The following UNC80 variants were observed in gnomAD, a reference collection of about 807,000 sequenced individuals.
UNC80 encodes the protein unc-80 subunit of NALCN channel complex, also known as protein unc-80 homolog.
A neutral mutation model predicts 384.6 loss-of-function variants in UNC80; 164 were observed. That is an observed-to-expected ratio of 0.43 (90% confidence interval 0.38 to 0.49). The LOEUF (loss-of-function observed/expected upper bound fraction) is 0.49. Ranked by LOEUF, UNC80 falls within the 20% of genes least tolerant of loss-of-function variation. The pLI is 0.00. For synonymous variants in UNC80, 1,486 were observed against 1,527.8 expected (o/e 0.97, Z 0.64); for missense variants, 3,330 against 4,143.0 (o/e 0.80, Z 5.39).
chr2:209,978,335 A>T (rs181499565), intron 58 of UNC80, among the ~76,000 whole-genome samples, 194 bp from the exon 59 acceptor site: 4 of 152,232 alleles, frequency 2.6e-5, no homozygotes, highest in Non-Finnish European at 4.4e-5. Context: ...CTATTTAATT[A>T]TATCAGTGGC....
intron 12 of UNC80, 144 bp from the exon 13 acceptor site, chr2:209,820,167 G>T: frequency 7.9e-7 from 1 of 1,269,314 alleles, no homozygotes; most frequent in Non-Finnish European, 1.0e-6. Flanking sequence ...AACTTTTATA[G>T]GAAAATTTGA....
intron 7 of UNC80, among the ~76,000 whole-genome samples, chr2:209,804,628 T>G (rs904122458): frequency 6.6e-6 from 1 of 152,046 alleles, no homozygotes; most frequent in African/African-American, 2.4e-5. Flanking sequence ...TTCTATTTTG[T>G]GCTTCTGTTG....
chr2:209,994,302 G>A, intron 64 of UNC80, 38 bp downstream of exon 64: 1 of 1,504,968 alleles, frequency 6.6e-7, no homozygotes, highest in East Asian at 2.5e-5. Context: ...CTTGCTCCCT[G>A]TGTACTTACT....
At chr2:209,826,203 A>T (rs1042601007) in intron 14 of UNC80, 150 bp downstream of exon 14, 16 of 1,022,378 alleles carry the variant, frequency 1.6e-5, no homozygotes, top group African/African-American at 8.3e-5. Context: ...GGAGATTCTC[A>T]TGAGATATCT....
rs879309607 is a variant in UNC80 at position 209,842,501 on chromosome 2, A to G, written c.3454+55A>G. 101 of 1,274,154 alleles carry G rather than the reference A, an allele frequency of 7.9e-5. 1 individual carries two copies. The East Asian group carries it at 2.5e-3, about 32-fold the overall frequency. 78.9% of individuals were successfully genotyped at this position (1,274,154 alleles called of 1,614,324 possible). Reference sequence around the variant, plus strand: ...TCAACTTTTATCACACAGAACAAAAACTTGATTAGATTAAGTGGTCCATTT... The same window carrying G: ...TCAACTTTTATCACACAGAACAAAAGCTTGATTAGATTAAGTGGTCCATTT... On this transcript the variant is annotated intron_variant, in intron 21 of 64. Transcript: ENST00000673920.
At chr2:209,940,035 G>A (rs1158832562) in intron 43 of UNC80, among the ~76,000 whole-genome samples, 6 of 152,172 alleles carry the variant, frequency 3.9e-5, no homozygotes, top group Non-Finnish European at 8.8e-5. Context: ...TTTCTATTAA[G>A]TTCTCAGGTG....
At chr2:209,945,019 G>A (rs1260148951) in intron 45 of UNC80, 32 bp from the exon 46 acceptor site, 1 of 1,548,502 alleles carries the variant, frequency 6.5e-7, no homozygotes, top group Non-Finnish European at 8.7e-7. Context: ...TGTGGTGGGA[G>A]TCAATAAACA....
At chr2:209,833,856 A>C (rs777440153) in intron 16 of UNC80, 146 bp from the exon 17 acceptor site, 3 of 692,648 alleles carry the variant, frequency 4.3e-6, no homozygotes, top group Non-Finnish European at 7.0e-6. Context: ...GTATACCACC[A>C]GTTTCATCAA....
intron 46 of UNC80, 68 bp downstream of exon 46, chr2:209,945,257 T>C (rs2091857484): frequency 7.0e-7 from 1 of 1,422,492 alleles, no homozygotes; most frequent in Non-Finnish European, 9.4e-7. Flanking sequence ...ATATGTATTA[T>C]ACACACATAC....
chr2:209,885,713 C>G (rs1374962223), intron 25 of UNC80, among the ~76,000 whole-genome samples: 2 of 151,546 alleles, frequency 1.3e-5, no homozygotes, highest in Admixed American at 1.3e-4. Flanking sequence ...TGTTCTTAAG[C>G]CAAAAGGACA....
rs559251714 is a variant in UNC80 at position 209,997,713 on chromosome 2, A to G, written c.*2118A>G. 6.6e-6 allele frequency: 1 copy of G among 152,340 alleles called. No individual in the cohort carries two copies. Among genetic ancestry groups the G allele is most frequent in the Non-Finnish European group, 1.5e-5 (1 of 68,030 alleles). 9.4% of individuals were successfully genotyped at this position (152,340 alleles called of 1,614,324 possible). On this transcript the variant is annotated 3_prime_UTR_variant, in exon 65 of 65. Coordinates refer to ENST00000673920, the MANE Select transcript of UNC80 (RefSeq NM_001371986.1). ...AGCTAAGCAATGTTGTAACTTGCAA[A>G]AAAGCCTCCACTCTGAGAAACAGGG... is the stretch of plus-strand genomic sequence containing the variant.
At chr2:209,850,071 A>G (rs1197782667) in intron 22 of UNC80, among the ~76,000 whole-genome samples, 1 of 152,140 alleles carries the variant, frequency 6.6e-6, no homozygotes, top group Non-Finnish European at 1.5e-5. Context: ...TAGTCCTTTA[A>G]GCTCACCAAG....
In UNC80 at chr2:209,922,232, T is replaced by A; in HGVS notation, c.5531-20T>A. ...TTTTGTTATAAAGCCAAAGTTCACA[T>A]TCCCCATTTTGTTTGCCAGTAGAAG... is the stretch of plus-strand genomic sequence containing the variant. On this transcript the variant is annotated intron_variant, in intron 34 of 64. Coordinates refer to ENST00000673920, the MANE Select transcript of UNC80 (RefSeq NM_001371986.1). 1 of 1,551,614 alleles carries A rather than the reference T, an allele frequency of 6.4e-7. No individual in the cohort carries two copies. Among genetic ancestry groups the A allele is most frequent in the East Asian group, 2.4e-5 (1 of 40,908 alleles).
intron 39 of UNC80, 117 bp downstream of exon 39, chr2:209,934,122 A>G (rs2091081284): frequency 1.0e-6 from 1 of 992,684 alleles, no homozygotes; most frequent in East Asian, 2.7e-5. Flanking sequence ...AACCCCCAGT[A>G]TTGAGTGCTT....
In UNC80 at chr2:209,929,896, A is replaced by T; in HGVS notation, c.5832A>T (p.Leu1944Phe). 6.5e-7 allele frequency: 1 copy of T among 1,533,318 alleles called. No homozygotes were observed. The highest frequency in any genetic ancestry group is 8.8e-7 in the Non-Finnish European group (1 of 1,140,338). 95.0% of individuals were successfully genotyped at this position (1,533,318 alleles called of 1,614,324 possible). ...VAVSAVAQQV[L>F]WNCLIEDPST... The stretch of plus-strand genomic sequence containing the variant: ...TGAGTGCTGTGGCTCAACAAGTCTT[A>T]TGGAACTGTCTAATTGAAGATCCAT... Residue 1944 changes from leucine to phenylalanine, a missense_variant, in exon 37 of 65, where the codon TTA becomes TTT. By Grantham distance (22) the Leu-to-Phe change is conservative. Transcript: ENST00000673920.
Position 209,872,715 on chromosome 2 carries a change from T to C in UNC80, c.3628-43T>C. ...CTTTAAGACCAATTTAAAGTTATTGTTCATTAATCCCACATTATTCTTTCC... is the reference window on the plus strand; with the variant it reads ...CTTTAAGACCAATTTAAAGTTATTGCTCATTAATCCCACATTATTCTTTCC... On this transcript the variant is annotated intron_variant, in intron 22 of 64. Transcript: ENST00000673920. The surrounding 1 kb of genome is among the most constrained non-coding windows in gnomAD (Gnocchi z 4.1). 6.8e-7 allele frequency: 1 copy of C among 1,479,600 alleles called. No homozygotes were observed. The highest frequency in any genetic ancestry group is 9.2e-7 in the Non-Finnish European group (1 of 1,082,280). 91.7% of individuals were successfully genotyped at this position (1,479,600 alleles called of 1,614,324 possible).
Position 209,970,875 on chromosome 2 carries a change from C to T in UNC80, c.8174C>T (p.Pro2725Leu). The change falls in exon 54 of 65, where the codon CCC becomes CTC. Residue 2725 changes from proline (P) to leucine (L), a missense_variant. By Grantham distance (98) the Pro-to-Leu change is moderately conservative. Around this residue, in one of 8 missense-constraint regions of UNC80, gnomAD observed 1,049 missense variants for 1,488.6 expected, o/e 0.70. Transcript: ENST00000673920. ...CCTTCCAGTGTTGCTGATGGATTAC[C>T]CCTTCTTCATCTCAGCCCTTATCTC... is the stretch of plus-strand genomic sequence containing the variant. ...VGPSSVADGL[P>L]LLHLSPYLSP... is the part of the protein sequence containing the mutation. 1 of 1,551,574 alleles carries T rather than the reference C, an allele frequency of 6.4e-7. No homozygotes were observed. Among genetic ancestry groups the T allele is most frequent in the Admixed American group, 2.0e-5 (1 of 50,986 alleles).
At chr2:209,956,642 C>T (rs1460267509) in intron 48 of UNC80, among the ~76,000 whole-genome samples, 1 of 152,026 alleles carries the variant, frequency 6.6e-6, no homozygotes, top group Non-Finnish European at 1.5e-5. Flanking sequence ...AGGTTAGTTA[C>T]ATATGTATAC....
At chr2:209,875,908 G>A (rs972328425) in intron 23 of UNC80, among the ~76,000 whole-genome samples, 1 of 151,998 alleles carries the variant, frequency 6.6e-6, no homozygotes, top group Non-Finnish European at 1.5e-5. Context: ...GGTACAAGCA[G>A]TTTTTGACCA....
Sources: gnomAD v4.1 joint callset for allele counts (sites outside exome capture counted in the v4.1 genomes callset) on GRCh38, gnomAD v4.1.1 for gene constraint, gnomAD v4.1.1 regional missense constraint, Gnocchi (gnomAD v3.1) non-coding constraint, MANE v1.5 for transcripts, NCBI Gene and HGNC (gene_info 2026-07-23, HGNC 2026-07-21) for gene names.